FAM76B: variants seen among roughly 807,000 people sequenced by gnomAD.
FAM76B encodes family with sequence similarity 76 member B.
A neutral mutation model predicts 51.8 loss-of-function variants in FAM76B; 16 were observed. The observed-to-expected ratio is 0.31, with a 90% CI of 0.21 to 0.47. FAM76B has a LOEUF of 0.47. FAM76B is among the 20% of genes least tolerant of loss of function. FAM76B has a pLI of 1.00. For missense variants in FAM76B, 342 were observed against 392.6 expected, an observed-to-expected ratio of 0.87 and a Z score of 1.09; for synonymous variants, 166 against 129.5, an observed-to-expected ratio of 1.28 and a Z score of -1.91.
chr11:95,785,159 C>T (rs1565294872), intron 4 of FAM76B, among the ~76,000 whole-genome samples: 2 of 152,096 alleles, frequency 1.3e-5, no homozygotes, highest in Admixed American at 6.5e-5. Context: ...TATAATTGTT[C>T]TATTTTGTTA....
At position 95,789,576 on chromosome 11, in the gene FAM76B, C is replaced by T. The variant is rs1434456230; in HGVS notation, c.-98G>A. On this transcript the variant is annotated 5_prime_UTR_variant, in exon 1 of 10. Transcript: ENST00000358780. ...GCCGCCCGGGCCGCGGGCTCCTCCT[C>T]CTCCCCCTCCCCCTGCCTCGCGCCC... The T allele has an allele frequency of 1.9e-6, 2 of 1,035,838 alleles. No individual in the cohort carries two copies. The highest frequency in any genetic ancestry group is 2.8e-6 in the Non-Finnish European group (2 of 723,956). 64.2% of individuals were successfully genotyped at this position (1,035,838 alleles called of 1,614,324 possible).
chr11:95,781,752 A>G (rs1860280619), intron 5 of FAM76B, among the ~76,000 whole-genome samples: 1 of 152,174 alleles, frequency 6.6e-6, no homozygotes, highest in Admixed American at 6.5e-5. Flanking sequence ...TGATATAAAG[A>G]TCACAAGGTT....
intron 5 of FAM76B, 139 bp downstream of exon 5, chr11:95,782,926 G>T: frequency 9.6e-7 from 1 of 1,044,446 alleles, no homozygotes; most frequent in Non-Finnish European, 1.4e-6. Context: ...TGGAGACACA[G>T]CCTTAGACAC....
At position 95,789,572 on chromosome 11, in the gene FAM76B, T is replaced by TCCTCCTCCC; in HGVS notation, c.-103_-95dup. The TCCTCCTCCC allele has an allele frequency of 3.5e-6, 4 of 1,142,882 alleles. No homozygotes were observed. Among genetic ancestry groups the TCCTCCTCCC allele is most frequent in the Non-Finnish European group, 4.9e-6 (4 of 810,154 alleles). The allele number at this position is 1,142,882 out of a possible 1,614,324, so 70.8% of individuals were successfully genotyped here. On this transcript the variant is annotated 5_prime_UTR_variant, in exon 1 of 10. Coordinates refer to ENST00000358780, the MANE Select transcript of FAM76B (RefSeq NM_144664.5). Reference sequence around the variant, plus strand: ...CGCCGCCGCCCGGGCCGCGGGCTCCTCCTCCTCCCCCTCCCCCTGCCTCGC... The same window carrying TCCTCCTCCC: ...CGCCGCCGCCCGGGCCGCGGGCTCCTCCTCCTCCCCCTCCTCCCCCTCCCCCTGCCTCGC...
Position 95,779,621 on chromosome 11 carries a change from T to C in FAM76B, c.678A>G (p.Pro226=), listed in dbSNP as rs1044604774. Residue 226 remains proline (P), a synonymous_variant, in exon 7 of 10, where the codon CCA becomes CCG. Coordinates refer to ENST00000358780, the MANE Select transcript of FAM76B (RefSeq NM_144664.5). ...TTCATTTTTACCTATCTCCATTAGA[T>C]GGCTTAGATTCCAATTTGGGCTTTT... The part of the protein sequence containing the change: ...PKKKPKLESK[P]SNGDSSSINQ... The C allele has an allele frequency of 1.2e-6, 2 of 1,609,714 alleles. No homozygotes were observed. Among genetic ancestry groups the C allele is most frequent in the South Asian group, 1.1e-5 (1 of 90,562 alleles).
chr11:95,787,092 T>C (rs1860635119), intron 3 of FAM76B, among the ~76,000 whole-genome samples: 1 of 152,196 alleles, frequency 6.6e-6, no homozygotes. Context: ...AAAGAACAGC[T>C]TCACAAATTT....
At chr11:95,777,679 C>T (rs142570545) in intron 8 of FAM76B, among the ~76,000 whole-genome samples, 16 of 151,404 alleles carry the variant, frequency 1.1e-4, no homozygotes, top group African/African-American at 3.6e-4. Flanking sequence ...ACTAAATTTG[C>T]TTAAAGTAAG....
In FAM76B at chr11:95,777,999, C is replaced by T. The variant is rs139919492; in HGVS notation, c.828+823G>A. 1.3e-4 allele frequency among the ~76,000 whole-genome samples: 19 copies of T among 151,544 alleles called. No homozygotes were observed. The East Asian group carries it at 3.7e-3, about 29-fold the overall frequency. ...ACCAGGAGCTATAATAAATACTTTGCATTTTCATTAATCATCAAAACCATC... is the reference window on the plus strand; with the variant it reads ...ACCAGGAGCTATAATAAATACTTTGTATTTTCATTAATCATCAAAACCATC... On this transcript the variant is annotated intron_variant, in intron 8 of 9. Transcript: ENST00000358780.
intron 8 of FAM76B, among the ~76,000 whole-genome samples, chr11:95,777,147 G>C (rs1453811720): frequency 1.3e-5 from 2 of 151,254 alleles, no homozygotes; most frequent in African/African-American, 2.4e-5. Context: ...GTATCCTCAT[G>C]ATCTAGTTCA....
Position 95,771,698 on chromosome 11 carries a change from T to A in FAM76B, c.931-48A>T, listed in dbSNP as rs1234862723. On this transcript the variant is annotated intron_variant, in intron 9 of 9. Coordinates refer to ENST00000358780, the MANE Select transcript of FAM76B (RefSeq NM_144664.5). Reference sequence around the variant, plus strand: ...AGATTAAAAATGTTTGAAATATTATTAAGTCATGCTGAAGAATACTACTTA... The same window carrying A: ...AGATTAAAAATGTTTGAAATATTATAAAGTCATGCTGAAGAATACTACTTA... 3.5e-6 allele frequency: 5 copies of A among 1,431,502 alleles called. No homozygotes were observed. The African/African-American group carries it at 7.1e-5, about 20-fold the overall frequency. The allele number at this position is 1,431,502 out of a possible 1,614,324, so 88.7% of individuals were successfully genotyped here. A position where few individuals can be genotyped will look rare whatever the true frequency, so the allele number is the denominator to read the frequency against.
chr11:95,785,455 TTC>T (rs527706753), intron 4 of FAM76B, among the ~76,000 whole-genome samples: 71 of 152,348 alleles, frequency 4.7e-4, no homozygotes, highest in African/African-American at 1.1e-3. Context: ...AGTTTTTATC[TTC>T]TGTTTGTTCA....
Position 95,770,238 on chromosome 11 carries a change from C to T in FAM76B, c.*1323G>A, listed in dbSNP as rs140308293. The T allele has an allele frequency of 3.9e-5, 6 of 151,956 alleles. No individual in the cohort carries two copies. The East Asian group carries it at 1.2e-3, about 29-fold the overall frequency. 9.4% of individuals were successfully genotyped at this position (151,956 alleles called of 1,614,324 possible). A position where few individuals can be genotyped will look rare whatever the true frequency, so the allele number is the denominator to read the frequency against. On this transcript the variant is annotated 3_prime_UTR_variant, in exon 10 of 10. Coordinates refer to ENST00000358780, the MANE Select transcript of FAM76B (RefSeq NM_144664.5). Reference sequence around the variant, plus strand: ...TGGATCAGAATATAGTCAATAACTTCATATAACCTATCCCACCCTACCTTA... The same window carrying T: ...TGGATCAGAATATAGTCAATAACTTTATATAACCTATCCCACCCTACCTTA...
At chr11:95,789,277 A>T in intron 1 of FAM76B, 115 bp downstream of exon 1, 1 of 1,192,008 alleles carries the variant, frequency 8.4e-7, no homozygotes, top group Non-Finnish European at 1.2e-6. Context: ...CGAGGGCTCC[A>T]GACTCCCAAA....
chr11:95,785,659 A>C (rs1000116560), intron 4 of FAM76B, among the ~76,000 whole-genome samples: 4 of 152,246 alleles, frequency 2.6e-5, no homozygotes, highest in Non-Finnish European at 5.9e-5. Flanking sequence ...CAAAGGAATT[A>C]TCACATGAAC....
At chr11:95,775,395 C>G (rs1859954335) in intron 9 of FAM76B, among the ~76,000 whole-genome samples, 1 of 151,388 alleles carries the variant, frequency 6.6e-6, no homozygotes, top group Non-Finnish European at 1.5e-5. Context: ...TCAGGTGGAT[C>G]ACTACCTGTT....
At chr11:95,787,200 A>G (rs1300011426) in intron 3 of FAM76B, among the ~76,000 whole-genome samples, 1 of 152,242 alleles carries the variant, frequency 6.6e-6, no homozygotes, top group Non-Finnish European at 1.5e-5. Context: ...TGTCTTTCAT[A>G]AAATATGGTA....
Position 95,777,541 on chromosome 11 carries a change from A to C in FAM76B, c.828+1281T>G, listed in dbSNP as rs555701269. On this transcript the variant is annotated intron_variant, in intron 8 of 9. Transcript: ENST00000358780. ...TGCAGATATATCTGGCCTGTCTCTAAAACTTTGTACACAGGACAAATTTCC... is the reference window on the plus strand; with the variant it reads ...TGCAGATATATCTGGCCTGTCTCTACAACTTTGTACACAGGACAAATTTCC... Among the ~76,000 whole-genome samples, 7 of 151,496 alleles carry C rather than the reference A, an allele frequency of 4.6e-5. No individual in the cohort carries two copies. The South Asian group carries it at 1.5e-3, about 31-fold the overall frequency.
chr11:95,773,117 C>A, intron 9 of FAM76B, among the ~76,000 whole-genome samples: 1 of 135,298 alleles, frequency 7.4e-6, no homozygotes, highest in South Asian at 2.2e-4. Flanking sequence ...TGTGAATCTC[C>A]AAGTTCTTAT....
intron 4 of FAM76B, among the ~76,000 whole-genome samples, chr11:95,784,322 A>G (rs369242165): frequency 6.6e-6 from 1 of 152,092 alleles, no homozygotes; most frequent in Admixed American, 6.5e-5. Context: ...GAATCAGGAA[A>G]AATAACTAAT....
Sources: gnomAD v4.1 joint callset for allele counts (sites outside exome capture counted in the v4.1 genomes callset) on GRCh38, gnomAD v4.1.1 for gene constraint, MANE v1.5 for transcripts, NCBI Gene and HGNC (gene_info 2026-07-23, HGNC 2026-07-21) for gene names.